Variants in TEX9 observed in about 807,000 individuals in gnomAD.
TEX9 encodes the protein testis-expressed protein 9.
In TEX9, 74 loss-of-function variants were observed where a neutral mutation model predicts 59.6. The observed-to-expected ratio is 1.24, with a 90% CI of 1.03 to 1.51. TEX9 has a LOEUF of 1.51. TEX9 is among the 40% of genes most tolerant of loss of function. The probability of loss-of-function intolerance (pLI) is 0.00; values close to 1 mark genes in which losing one functional copy is unlikely to be tolerated. For synonymous variants in TEX9, 186 were observed against 152.2 expected, an observed-to-expected ratio of 1.22 and a Z score of -1.64; for missense variants, 522 against 447.8, an observed-to-expected ratio of 1.17 and a Z score of -1.49.
chr15:56,443,439 G>T, intron 12 of TEX9: 1 of 1,566,178 alleles, frequency 6.4e-7, no homozygotes, highest in Non-Finnish European at 8.6e-7. Flanking sequence ...CTTTTAGCTT[G>T]CTCTTATATA....
intron 12 of TEX9, among the ~76,000 whole-genome samples, chr15:56,432,360 G>A (rs1421366625): frequency 3.3e-5 from 5 of 152,156 alleles, no homozygotes; most frequent in African/African-American, 1.2e-4. Context: ...TACCTCCTGG[G>A]AAGTTTCAGA....
At chr15:56,382,876 G>A (rs2047794145) in intron 3 of TEX9, among the ~76,000 whole-genome samples, 4 of 152,198 alleles carry the variant, frequency 2.6e-5, no homozygotes, top group Admixed American at 2.6e-4. Flanking sequence ...TGCCCTGGTT[G>A]GTGTTTTCCT....
At chr15:56,362,506 A>G (rs936461645), upstream of TEX9, among the ~76,000 whole-genome samples, 2 of 152,108 alleles carry the variant, frequency 1.3e-5, no homozygotes, top group Non-Finnish European at 2.9e-5. Context: ...TCCTTTCTTT[A>G]TCCCTCGATG....
chr15:56,420,480 G>T (rs1208281680), intron 10 of TEX9, among the ~76,000 whole-genome samples: 2 of 151,462 alleles, frequency 1.3e-5, no homozygotes, highest in African/African-American at 4.9e-5. Context: ...GCTAATTTTT[G>T]TATTTTTAGT....
exon 11 of TEX9, chr15:56,427,676 A>G: frequency 6.5e-7 from 1 of 1,542,882 alleles, no homozygotes; most frequent in Non-Finnish European, 8.7e-7. Context: ...AAAAACAAAA[A>G]GGAGAATTAA....
chr15:56,395,165 A>G (rs1356214926), intron 9 of TEX9: 17 of 283,768 alleles, frequency 6.0e-5, no homozygotes, highest in East Asian at 1.2e-4. Flanking sequence ...GGCAACCACT[A>G]TTCTATTTTA....
chr15:56,296,405 A>G (rs989294687), intron 1 of TEX9, among the ~76,000 whole-genome samples: 1 of 151,606 alleles, frequency 6.6e-6, no homozygotes, highest in African/African-American at 2.4e-5. Flanking sequence ...CAAGATGAAG[A>G]CATTGTGTTT....
At chr15:56,422,357 T>G (rs531542187) in intron 10 of TEX9, among the ~76,000 whole-genome samples, 1 of 151,924 alleles carries the variant, frequency 6.6e-6, no homozygotes, top group East Asian at 1.9e-4. Flanking sequence ...ATGGTTGGGA[T>G]TAACTCTATT....
chr15:56,417,209 C>G (rs751381602), intron 10 of TEX9, among the ~76,000 whole-genome samples: 6 of 151,778 alleles, frequency 4.0e-5, no homozygotes, highest in Non-Finnish European at 7.4e-5. Context: ...CAGTTCAGCT[C>G]TGATTTTTGT....
chr15:56,371,898 T>A (rs1180681872), intron 2 of TEX9, among the ~76,000 whole-genome samples: 8 of 152,222 alleles, frequency 5.3e-5, no homozygotes, highest in Non-Finnish European at 7.3e-5. Flanking sequence ...ATTTTTGTAG[T>A]CTGTGTTTCA....
At chr15:56,266,497 C>G (rs1236133207) in intron 1 of TEX9, among the ~76,000 whole-genome samples, 4 of 145,724 alleles carry the variant, frequency 2.7e-5, no homozygotes, top group Non-Finnish European at 4.5e-5. Flanking sequence ...CAATGACAGG[C>G]CCCGGTGTGT....
At chr15:56,292,874 A>G (rs1249429175) in intron 1 of TEX9, among the ~76,000 whole-genome samples, 3 of 152,118 alleles carry the variant, frequency 2.0e-5, no homozygotes, top group African/African-American at 7.2e-5. Flanking sequence ...GGATCAGGCT[A>G]TGGCTAGATC....
chr15:56,447,042 G>C, downstream of TEX9: 1 of 767,068 alleles, frequency 1.3e-6, no homozygotes, highest in South Asian at 1.7e-5. Context: ...TACTCAAAGA[G>C]GGAATACAGC....
intron 9 of TEX9, among the ~76,000 whole-genome samples, chr15:56,409,144 C>T (rs1194525610): frequency 6.6e-6 from 1 of 151,406 alleles, no homozygotes; most frequent in African/African-American, 2.4e-5. Flanking sequence ...TGCAGTGAGC[C>T]GAGATTGCAC....
chr15:56,365,799 C>T, intron 2 of TEX9, 129 bp downstream of exon 2: 1 of 1,465,500 alleles, frequency 6.8e-7, no homozygotes, highest in East Asian at 2.5e-5. Flanking sequence ...TTCTCGTCAT[C>T]TCGTTCACCT....
At chr15:56,324,066 G>A (rs776652081) in intron 1 of TEX9, among the ~76,000 whole-genome samples, 2 of 152,028 alleles carry the variant, frequency 1.3e-5, no homozygotes, top group Admixed American at 6.6e-5. Flanking sequence ...TCGAAAGCAG[G>A]TTCTTATTGG....
intron 1 of TEX9, among the ~76,000 whole-genome samples, chr15:56,262,948 A>G (rs1397541520): frequency 1.3e-5 from 2 of 152,196 alleles, no homozygotes; most frequent in Non-Finnish European, 1.5e-5. Flanking sequence ...TTTGCATGAT[A>G]ATATCTTTAC....
rs989363666 is a variant in TEX9, at chr15:56,305,205, A to G, written c.-107+60927A>G. On this transcript the variant is annotated intron_variant, in intron 1 of 5. Coordinates refer to the TEX9 transcript ENST00000560827. ...TATTGTTTAAATATCCATATTATCC[A>G]AAACGATTTACAGATTCATTGCAAT... 2.0e-5 allele frequency among the ~76,000 whole-genome samples: 3 copies of G among 152,146 alleles called. 1 individual carries two copies. Among genetic ancestry groups the G allele is most frequent in the Non-Finnish European group, 4.4e-5 (3 of 68,018 alleles).
downstream of TEX9, chr15:56,446,964 A>T: frequency 6.5e-7 from 1 of 1,542,128 alleles, no homozygotes; most frequent in East Asian, 2.3e-5. Flanking sequence ...AAACAAAAAC[A>T]AATTTAAATG....
Sources: gnomAD v4.1 joint callset for allele counts (sites outside exome capture counted in the v4.1 genomes callset) on GRCh38, gnomAD v4.1.1 for gene constraint, MANE v1.5 for transcripts, NCBI Gene and HGNC (gene_info 2026-07-23, HGNC 2026-07-21) for gene names.